Variants in LINGO2 observed in about 807,000 individuals in gnomAD.
The protein encoded by LINGO2 is leucine-rich repeat and immunoglobulin-like domain-containing nogo receptor-interacting protein 2.
In LINGO2, 14 loss-of-function variants were observed where a neutral mutation model predicts 30.6. That is an observed-to-expected ratio of 0.46 (90% CI 0.30 to 0.72). LINGO2 has a LOEUF of 0.72. Ranked by LOEUF, LINGO2 falls within the 30% of genes least tolerant of loss-of-function variation. The pLI, the probability that LINGO2 is intolerant of heterozygous loss-of-function variation, is 0.07. For missense variants in LINGO2, 729 were observed against 751.7 expected (o/e 0.97, Z 0.35); for synonymous variants, 317 against 288.5 (o/e 1.10, Z -1.00).
the LINGO2 span, among the ~76,000 whole-genome samples, chr9:28,813,069 TAAAA>T: frequency 6.9e-6 from 1 of 144,136 alleles, no homozygotes; most frequent in Non-Finnish European, 1.5e-5. Context: ...CCTACTGCAG[TAAAA>T]AAAAAAAAAA....
intron 4 of LINGO2, among the ~76,000 whole-genome samples, chr9:28,261,841 T>C (rs1822575693): frequency 6.6e-6 from 1 of 151,974 alleles, no homozygotes; most frequent in Admixed American, 6.6e-5. Flanking sequence ...TGTTATAAGA[T>C]ATTGTAAATG....
chr9:28,761,535 GA>G, the LINGO2 span, among the ~76,000 whole-genome samples: 1 of 151,518 alleles, frequency 6.6e-6, no homozygotes, highest in Non-Finnish European at 1.5e-5. Context: ...AGGCATATAA[GA>G]AAATTACCAT....
the LINGO2 span, among the ~76,000 whole-genome samples, chr9:29,112,875 C>T: frequency 6.6e-6 from 1 of 152,142 alleles, no homozygotes; most frequent in Non-Finnish European, 1.5e-5. Flanking sequence ...TACAATCTTT[C>T]TATGTATTAA....
At chr9:28,256,283 G>T (rs1169606152) in intron 4 of LINGO2, among the ~76,000 whole-genome samples, 1 of 151,850 alleles carries the variant, frequency 6.6e-6, no homozygotes, top group Admixed American at 6.6e-5. Context: ...CATAGTAGCT[G>T]GTTTCATTAA....
At chr9:29,123,413 C>T in the LINGO2 span, among the ~76,000 whole-genome samples, 1 of 151,964 alleles carries the variant, frequency 6.6e-6, no homozygotes, top group Non-Finnish European at 1.5e-5. Context: ...ATTAGAGAAG[C>T]TAGGAATATT....
the LINGO2 span, among the ~76,000 whole-genome samples, chr9:28,991,931 T>A: frequency 1.3e-5 from 2 of 152,136 alleles, no homozygotes; most frequent in South Asian, 4.2e-4. Context: ...GTAAAGACCA[T>A]CGAGGCTAGG....
chr9:28,122,614 T>A (rs555525932), intron 4 of LINGO2, among the ~76,000 whole-genome samples: 31 of 152,316 alleles, frequency 2.0e-4, no homozygotes, highest in Non-Finnish European at 4.1e-4. Flanking sequence ...TGGGTTTCAG[T>A]ATGAAAGTTG....
the LINGO2 span, among the ~76,000 whole-genome samples, chr9:28,804,281 T>C: frequency 2.6e-5 from 4 of 152,054 alleles, no homozygotes; most frequent in Non-Finnish European, 4.4e-5. Context: ...GTGGTCTCTG[T>C]CCCTCAGGTT....
chr9:28,499,083 A>T (rs77016663), intron 1 of LINGO2, among the ~76,000 whole-genome samples: 3,950 of 152,164 alleles, frequency 0.026, 179 homozygotes, highest in African/African-American at 0.09. Context: ...ATTTATCCAC[A>T]CTCTGAAGAG....
chr9:28,037,237 T>C (rs1183723610), intron 4 of LINGO2, among the ~76,000 whole-genome samples: 1 of 152,204 alleles, frequency 6.6e-6, no homozygotes, highest in East Asian at 1.9e-4. Context: ...AAACAGTAGT[T>C]ATGCAACAAA....
intron 5 of LINGO2, among the ~76,000 whole-genome samples, chr9:27,990,955 G>T (rs1257310276): frequency 6.6e-6 from 1 of 151,982 alleles, no homozygotes; most frequent in Non-Finnish European, 1.5e-5. Flanking sequence ...CAGAATCTCT[G>T]GTGTAAACAG....
the LINGO2 span, among the ~76,000 whole-genome samples, chr9:29,196,437 T>C: frequency 0.061 from 9,232 of 152,168 alleles, 331 homozygotes; most frequent in Admixed American, 0.086. Flanking sequence ...ATTTAATATA[T>C]GCAACTTGAA....
chr9:28,609,324 C>T (rs183046632), intron 1 of LINGO2, among the ~76,000 whole-genome samples: 59 of 151,600 alleles, frequency 3.9e-4, no homozygotes, highest in Non-Finnish European at 7.5e-4. Flanking sequence ...ACACTTCAAA[C>T]AATGTTCTAA....
the LINGO2 span, among the ~76,000 whole-genome samples, chr9:28,675,657 G>A: frequency 2.6e-5 from 4 of 151,842 alleles, no homozygotes; most frequent in East Asian, 5.8e-4. Flanking sequence ...GATCACCTGA[G>A]GTCAGGAGTT....
intron 4 of LINGO2, among the ~76,000 whole-genome samples, chr9:28,086,970 C>G (rs1044109960): frequency 6.6e-6 from 1 of 152,128 alleles, no homozygotes; most frequent in Non-Finnish European, 1.5e-5. Context: ...TTTTTCCAAC[C>G]TTTGGATCAG....
chr9:28,527,666 C>T (rs1478471896), intron 1 of LINGO2, among the ~76,000 whole-genome samples: 1 of 152,128 alleles, frequency 6.6e-6, no homozygotes, highest in African/African-American at 2.4e-5. Flanking sequence ...GACGACATAC[C>T]CCTGCTCTGT....
chr9:28,189,530 AGGGAGGG>A lies in LINGO2; in HGVS notation c.-87+105671_-87+105677del, dbSNP rs1564029021. 5.0e-4 allele frequency among the ~76,000 whole-genome samples: 14 copies of A among 28,274 alleles called. 1 individual carries two copies. Among genetic ancestry groups the A allele is most frequent in the South Asian group, 2.6e-3 (1 of 378 alleles). The allele number at this position is 28,274 out of a possible 152,430, so 18.5% of individuals were successfully genotyped here. ...AAGGAAGGGAGGGAGGAAGGAAGGG[AGGGAGGG>A]AGGGAGGGAGGAAGGAAGGAAGGGA... On this transcript the variant is annotated intron_variant, in intron 4 of 5. Coordinates refer to ENST00000379992, the Ensembl canonical transcript of LINGO2.
chr9:28,674,617 A>T (rs1474623091), upstream of LINGO2, among the ~76,000 whole-genome samples: 1 of 152,186 alleles, frequency 6.6e-6, no homozygotes, highest in Admixed American at 6.6e-5. Context: ...AAAAGGGAGA[A>T]TACTTTTCCA....
chr9:28,051,946 C>G (rs934178381), intron 4 of LINGO2, among the ~76,000 whole-genome samples: 3 of 152,062 alleles, frequency 2.0e-5, no homozygotes, highest in Non-Finnish European at 2.9e-5. Context: ...TATTCAAAAT[C>G]ATAATTGCCC....
Sources: gnomAD v4.1 joint callset for allele counts (sites outside exome capture counted in the v4.1 genomes callset) on GRCh38, gnomAD v4.1.1 for gene constraint, MANE v1.5 for transcripts, NCBI Gene and HGNC (gene_info 2026-07-23, HGNC 2026-07-21) for gene names.